ZEB1: variants seen among roughly 807,000 people sequenced by gnomAD.
ZEB1 encodes the protein zinc finger E-box binding homeobox 1, also known as zinc finger E-box-binding homeobox 1.
In ZEB1, 21 loss-of-function variants were observed where a neutral mutation model predicts 84.9. That is an observed-to-expected ratio of 0.25 (90% CI 0.18 to 0.36). ZEB1 has a LOEUF of 0.36. ZEB1 is among the 10% of genes least tolerant of loss of function. ZEB1 has a pLI of 1.00. For missense variants in ZEB1, 1,104 were observed against 1,330.2 expected, an observed-to-expected ratio of 0.83 and a Z score of 2.65; for synonymous variants, 420 against 471.1, an observed-to-expected ratio of 0.89 and a Z score of 1.41.
rs995323730 is a variant in ZEB1 at position 31,457,475 on chromosome 10, C to T, written c.59-3562C>T. Among the ~76,000 whole-genome samples the T allele has an allele frequency of 3.3e-5, 5 of 152,016 alleles. No individual in the cohort carries two copies. The South Asian group carries it at 6.2e-4, about 19-fold the overall frequency. On this transcript the variant is annotated intron_variant, in intron 1 of 8. Transcript: ENST00000424869. ...AGTAAAAATCTTGGAAAATAGTTATCGGTCTTTTTTTCCATCTCAGCAGAT... is the reference window on the plus strand; with the variant it reads ...AGTAAAAATCTTGGAAAATAGTTATTGGTCTTTTTTTCCATCTCAGCAGAT...
chr10:31,328,519 A>G (rs1294229580), intron 1 of ZEB1, among the ~76,000 whole-genome samples: 4 of 152,110 alleles, frequency 2.6e-5, no homozygotes, highest in Admixed American at 2.6e-4. Context: ...TATTAACTCC[A>G]GCTAATGTAA....
intron 1 of ZEB1, among the ~76,000 whole-genome samples, chr10:31,364,334 C>T (rs2044019961): frequency 6.6e-6 from 1 of 152,100 alleles, no homozygotes; most frequent in South Asian, 2.1e-4. Context: ...CTGGATGGGC[C>T]CCCCTGTGGG....
intron 2 of ZEB1, among the ~76,000 whole-genome samples, chr10:31,491,648 C>G (rs1280335885): frequency 6.6e-6 from 1 of 151,920 alleles, no homozygotes; most frequent in Non-Finnish European, 1.5e-5. Context: ...AGTCCACCTG[C>G]TGTGACTTAC....
chr10:31,359,764 G>T (rs377177403), intron 1 of ZEB1, among the ~76,000 whole-genome samples: 11 of 152,088 alleles, frequency 7.2e-5, no homozygotes, highest in African/African-American at 2.7e-4. Context: ...TGGACATTCA[G>T]TTAGTAAATT....
intron 1 of ZEB1, among the ~76,000 whole-genome samples, chr10:31,446,400 C>G (rs375581687): frequency 5.2e-4 from 79 of 151,016 alleles, no homozygotes; most frequent in Middle Eastern, 6.8e-3. Flanking sequence ...GGTTTTTTGT[C>G]TCTCTATTTC....
intron 2 of ZEB1, among the ~76,000 whole-genome samples, chr10:31,477,402 G>A (rs921521884): frequency 4.6e-5 from 7 of 151,932 alleles, no homozygotes; most frequent in African/African-American, 1.4e-4. Flanking sequence ...CTCATGGATT[G>A]GAAGACTCAA....
At chr10:31,526,558 A>G in intron 8 of ZEB1, 114 bp from the exon 9 acceptor site, 1 of 1,329,770 alleles carries the variant, frequency 7.5e-7, no homozygotes, top group Non-Finnish European at 1.0e-6. Context: ...GAAATGTTTT[A>G]AAAATGAAAC....
chr10:31,467,814 A>G (rs1193794074), intron 2 of ZEB1, among the ~76,000 whole-genome samples: 2 of 151,890 alleles, frequency 1.3e-5, no homozygotes, highest in Non-Finnish European at 2.9e-5. Flanking sequence ...CCTTCATGAG[A>G]ATAGACTAGG....
At chr10:31,502,981 T>G (rs1287005518) in intron 4 of ZEB1, among the ~76,000 whole-genome samples, 5 of 152,152 alleles carry the variant, frequency 3.3e-5, no homozygotes, top group African/African-American at 4.8e-5. Flanking sequence ...AATAAAAATG[T>G]GTTCAGACTC....
intron 1 of ZEB1, among the ~76,000 whole-genome samples, chr10:31,444,497 G>A (rs1446481232): frequency 6.6e-6 from 1 of 151,642 alleles, no homozygotes; most frequent in East Asian, 1.9e-4. Context: ...CCATGCCTAT[G>A]TCCTGAATGG....
intron 1 of ZEB1, among the ~76,000 whole-genome samples, chr10:31,395,084 C>A (rs1031965429): frequency 1.3e-5 from 2 of 152,284 alleles, no homozygotes; most frequent in Admixed American, 1.3e-4. Context: ...AATTCAATTT[C>A]TGATACAGTT....
chr10:31,346,698 A>G (rs979753687), intron 1 of ZEB1, among the ~76,000 whole-genome samples: 1 of 152,156 alleles, frequency 6.6e-6, no homozygotes, highest in Non-Finnish European at 1.5e-5. Flanking sequence ...GTTAGGAAAA[A>G]TACCACCGTT....
chr10:31,376,225 A>G (rs1233816189), intron 1 of ZEB1, among the ~76,000 whole-genome samples: 2 of 151,760 alleles, frequency 1.3e-5, no homozygotes, highest in South Asian at 4.1e-4. Flanking sequence ...AGTAATTACA[A>G]TAAAGTATAG....
intron 1 of ZEB1, among the ~76,000 whole-genome samples, chr10:31,406,562 G>A (rs1199347872): frequency 3.4e-5 from 5 of 148,500 alleles, no homozygotes; most frequent in Admixed American, 2.0e-4. Flanking sequence ...TTGTAAATTT[G>A]TTTAAGTTCC....
At chr10:31,449,542 T>G (rs2060274691) in intron 1 of ZEB1, among the ~76,000 whole-genome samples, 1 of 152,180 alleles carries the variant, frequency 6.6e-6, no homozygotes, top group South Asian at 2.1e-4. Flanking sequence ...GGGGTGGGGA[T>G]CTGATTTTTT....
At chr10:31,319,570 A>AGCCGGCGCCGGC (rs528801030) in intron 1 of ZEB1, 3 of 405,414 alleles carry the variant, frequency 7.4e-6, no homozygotes, top group African/African-American at 6.7e-5. Flanking sequence ...CTGGACCGTT[A>AGCCGGCGCCGGC]GCCGGCGCCG....
At chr10:31,321,476 A>G in intron 1 of ZEB1, 1 of 1,614,002 alleles carries the variant, frequency 6.2e-7, no homozygotes, top group Non-Finnish European at 8.5e-7. Flanking sequence ...TTAGCGTCAA[A>G]TAGTGTGTGT....
chr10:31,321,637 A>G, intron 1 of ZEB1: 1 of 1,501,342 alleles, frequency 6.7e-7, no homozygotes, highest in Non-Finnish European at 9.3e-7. Flanking sequence ...GTGACATGTG[A>G]GTCTGAACCA....
chr10:31,516,591 A>G (rs988158361), intron 6 of ZEB1, among the ~76,000 whole-genome samples: 1 of 149,656 alleles, frequency 6.7e-6, no homozygotes, highest in Non-Finnish European at 1.5e-5. Flanking sequence ...AGTTGCTAGA[A>G]AAAGGACTAT....
Sources: gnomAD v4.1 joint callset for allele counts (sites outside exome capture counted in the v4.1 genomes callset) on GRCh38, gnomAD v4.1.1 for gene constraint, MANE v1.5 for transcripts, NCBI Gene and HGNC (gene_info 2026-07-23, HGNC 2026-07-21) for gene names.